Variants in TBL1X observed in about 807,000 individuals in gnomAD.
The protein encoded by TBL1X is F-box-like/WD repeat-containing protein TBL1X.
In TBL1X, 10 loss-of-function variants were observed where a neutral mutation model predicts 50.7. The ratio of observed to expected loss-of-function variants is 0.20; its 90% CI spans 0.12 to 0.33. The LOEUF is 0.33. TBL1X is among the 10% of genes least tolerant of loss of function. TBL1X has a pLI of 1.00. For missense variants in TBL1X, 340 were observed against 504.4 expected (o/e 0.67, Z 3.12); for synonymous variants, 190 against 214.7 (o/e 0.88, Z 1.01).
chrX:9,511,285 C>T lies in TBL1X; in HGVS notation c.-131+9436C>T, dbSNP rs1010563417. ...TCTTTTCTCCTGTGCACATTTGACC[C>T]GCTGGCATGCAGGAGATTTAATCTC... On this transcript the variant is annotated intron_variant, in intron 2 of 17. Transcript: ENST00000645353. Among the ~76,000 whole-genome samples, 4 of 111,922 alleles carry T rather than the reference C, an allele frequency of 3.6e-5. No homozygotes were observed. The Admixed American group carries it at 3.8e-4, about 11-fold the overall frequency.
chrX:9,705,762 G>A (rs1173266905), intron 13 of TBL1X, among the ~76,000 whole-genome samples: 1 of 107,864 alleles, frequency 9.3e-6, no homozygotes, highest in African/African-American at 3.4e-5. Context: ...ATTGAGAACT[G>A]AGAAATATAA....
intron 2 of TBL1X, among the ~76,000 whole-genome samples, chrX:9,632,480 G>A (rs780782656): frequency 1.8e-5 from 2 of 111,105 alleles, no homozygotes; most frequent in South Asian, 3.8e-4. Context: ...ATGGGATTTC[G>A]CTATGTTCGC....
At chrX:9,689,057 C>T (rs926921230) in intron 7 of TBL1X, among the ~76,000 whole-genome samples, 4 of 113,333 alleles carry the variant, frequency 3.5e-5, no homozygotes, top group South Asian at 7.0e-4. Flanking sequence ...TATGCGTGTG[C>T]GCACCTGTGT....
chrX:9,634,124 A>G (rs747455770), intron 2 of TBL1X, among the ~76,000 whole-genome samples: 2 of 111,544 alleles, frequency 1.8e-5, no homozygotes, highest in Admixed American at 1.9e-4. Context: ...TCATCTTTGC[A>G]CTCACGACGC....
At chrX:9,677,927 C>A (rs1343091830) in intron 5 of TBL1X, among the ~76,000 whole-genome samples, 1 of 111,693 alleles carries the variant, frequency 9.0e-6, no homozygotes, top group Non-Finnish European at 1.9e-5. Context: ...TGTTAGGGGG[C>A]AGATCCAGGC....
intron 2 of TBL1X, among the ~76,000 whole-genome samples, chrX:9,592,148 C>G (rs1040430638): frequency 8.9e-6 from 1 of 112,029 alleles, no homozygotes. Flanking sequence ...CTTAATAATT[C>G]TTGGCTTCTT....
chrX:9,627,648 T>G (rs932593807), intron 2 of TBL1X, among the ~76,000 whole-genome samples: 2 of 112,532 alleles, frequency 1.8e-5, no homozygotes, highest in Non-Finnish European at 3.7e-5. Context: ...TCCCCAATAA[T>G]TGTGTTTCAG....
chrX:9,485,722 G>A (rs5934632), intron 1 of TBL1X, among the ~76,000 whole-genome samples: 28,703 of 109,819 alleles, frequency 0.26, 3,265 homozygotes, highest in African/African-American at 0.44. Flanking sequence ...CTAGTCATCA[G>A]GCTTGCCTTT....
intron 2 of TBL1X, among the ~76,000 whole-genome samples, chrX:9,622,187 C>A (rs1457660635): frequency 9.1e-6 from 1 of 110,068 alleles, no homozygotes; most frequent in Non-Finnish European, 1.9e-5. Context: ...GTAAAATGCA[C>A]ATAACATTAC....
chrX:9,619,336 G>C (rs186195348), intron 2 of TBL1X, among the ~76,000 whole-genome samples: 184 of 111,817 alleles, frequency 1.6e-3, no homozygotes, highest in Non-Finnish European at 2.8e-3. Flanking sequence ...ATACTTTGTG[G>C]GCCAGCCCAG....
intron 2 of TBL1X, among the ~76,000 whole-genome samples, chrX:9,540,212 G>T (rs1334856468): frequency 8.9e-6 from 1 of 112,343 alleles, no homozygotes; most frequent in Non-Finnish European, 1.9e-5. Flanking sequence ...GTTCTAGAGG[G>T]TTTAGTGTAC....
chrX:9,680,913 C>G (rs1569096498), intron 5 of TBL1X, among the ~76,000 whole-genome samples: 1 of 112,354 alleles, frequency 8.9e-6, no homozygotes, highest in Non-Finnish European at 1.9e-5. Flanking sequence ...CGGCAGACGA[C>G]TTTCAGCTCT....
chrX:9,524,954 G>A (rs2082125023), intron 2 of TBL1X, among the ~76,000 whole-genome samples: 1 of 111,337 alleles, frequency 9.0e-6, no homozygotes, highest in South Asian at 3.8e-4. Context: ...GTCTTGGTAT[G>A]TTGCTCAGGT....
Position 9,687,924 on chromosome X carries a change from C to T in TBL1X, c.358-93C>T, listed in dbSNP as rs1294086914. On this transcript the variant is annotated intron_variant, in intron 6 of 17. Transcript: ENST00000645353. ...CTGGGAGCCAGCTGTTTACGCCCCACTTCCCTGCGCTTCTCCTGCCCAGAG... is the reference window on the plus strand; with the variant it reads ...CTGGGAGCCAGCTGTTTACGCCCCATTTCCCTGCGCTTCTCCTGCCCAGAG... 8.0e-6 allele frequency: 9 copies of T among 1,126,959 alleles called. No individual in the cohort carries two copies. In the South Asian group the frequency reaches 8.9e-5, roughly 11 times the overall value. 92.9% of individuals were successfully genotyped at this position (1,126,959 alleles called of 1,213,427 possible). A position where few individuals can be genotyped will look rare whatever the true frequency, so the allele number is the denominator to read the frequency against.
At chrX:9,581,430 C>T (rs926359825) in intron 2 of TBL1X, among the ~76,000 whole-genome samples, 2 of 111,894 alleles carry the variant, frequency 1.8e-5, no homozygotes, top group Non-Finnish European at 3.8e-5. Flanking sequence ...GGCTCTCCAG[C>T]AAGGAGCTTT....
At chrX:9,582,439 A>G (rs1034672278) in intron 2 of TBL1X, among the ~76,000 whole-genome samples, 2 of 112,656 alleles carry the variant, frequency 1.8e-5, no homozygotes, top group Admixed American at 9.4e-5. Context: ...TACATCTAAT[A>G]AGAAAGAATC....
chrX:9,465,786 G>T (rs1292068369), intron 1 of TBL1X, among the ~76,000 whole-genome samples: 2 of 113,113 alleles, frequency 1.8e-5, no homozygotes, highest in Middle Eastern at 4.6e-3. Context: ...TTTTCCTCCG[G>T]TGCCCCTTTG....
At chrX:9,504,569 A>G (rs2521379) in intron 2 of TBL1X, among the ~76,000 whole-genome samples, 45,940 of 110,993 alleles carry the variant, frequency 0.41, 7,271 homozygotes, top group Admixed American at 0.55. Context: ...GGTTAGAGGA[A>G]TTGCTAACTA....
chrX:9,616,935 A>G (rs990421257), intron 2 of TBL1X, among the ~76,000 whole-genome samples: 48 of 111,450 alleles, frequency 4.3e-4, no homozygotes, highest in African/African-American at 1.5e-3. Flanking sequence ...CTTTGTGATG[A>G]ATTATTTCCT....
Sources: gnomAD v4.1 joint callset for allele counts (sites outside exome capture counted in the v4.1 genomes callset) on GRCh38, gnomAD v4.1.1 for gene constraint, MANE v1.5 for transcripts, NCBI Gene and HGNC (gene_info 2026-07-23, HGNC 2026-07-21) for gene names.